Variants in HAO1 observed in about 807,000 individuals in gnomAD.
HAO1 encodes the protein hydroxyacid oxidase 1.
HAO1 carries 34 observed loss-of-function variants against 39.7 expected under a neutral mutation model. That is an observed-to-expected ratio of 0.86 (90% confidence interval 0.65 to 1.14). The LOEUF is 1.14. Ranked by LOEUF, HAO1 falls within the 50% of genes most tolerant of loss-of-function variation. The probability of loss-of-function intolerance (pLI) is 0.00; values close to 1 mark genes in which losing one functional copy is unlikely to be tolerated. For synonymous variants in HAO1, 172 were observed against 173.2 expected, an observed-to-expected ratio of 0.99 and a Z score of 0.05; for missense variants, 479 against 464.5, an observed-to-expected ratio of 1.03 and a Z score of -0.29.
chr20:7,913,829 G>A (rs2050292706), intron 3 of HAO1, among the ~76,000 whole-genome samples: 2 of 152,102 alleles, frequency 1.3e-5, no homozygotes, highest in Non-Finnish European at 2.9e-5. Flanking sequence ...AAAGGTAAAG[G>A]TGGCTCTTTG....
At position 7,906,136 on chromosome 20, in the gene HAO1, G is replaced by C. The variant is rs115375518; in HGVS notation, c.721+18C>G. On this transcript the variant is annotated intron_variant, in intron 4 of 7. Transcript: ENST00000378789. ...GATCACAAAGTCAGTATGAATTCAA[G>C]TAGAGAAATAAACGAACCTCTCAAA... is the stretch of plus-strand genomic sequence containing the variant. 23 of 1,556,192 alleles carry C rather than the reference G, an allele frequency of 1.5e-5. No homozygotes were observed. The South Asian group carries it at 2.0e-4, about 14-fold the overall frequency.
chr20:7,923,533 C>T (rs962115896), intron 2 of HAO1, among the ~76,000 whole-genome samples: 6 of 152,136 alleles, frequency 3.9e-5, no homozygotes, highest in Non-Finnish European at 8.8e-5. Context: ...ACTTCTCACT[C>T]ATTTCAGGCA....
At chr20:7,939,653 T>C (rs972287796) in intron 1 of HAO1, among the ~76,000 whole-genome samples, 6 of 152,206 alleles carry the variant, frequency 3.9e-5, no homozygotes, top group Admixed American at 2.6e-4. Flanking sequence ...TTCTTGTTTT[T>C]ATTACAAACA....
At chr20:7,916,334 C>A (rs2050306883) in intron 2 of HAO1, among the ~76,000 whole-genome samples, 1 of 152,144 alleles carries the variant, frequency 6.6e-6, no homozygotes, top group Non-Finnish European at 1.5e-5. Flanking sequence ...TCCTTCAAGT[C>A]ATTTGACTCA....
At chr20:7,939,460 T>C (rs2050430709) in intron 1 of HAO1, among the ~76,000 whole-genome samples, 1 of 152,206 alleles carries the variant, frequency 6.6e-6, no homozygotes, top group South Asian at 2.1e-4. Flanking sequence ...CCCCTGCATA[T>C]TTTCTGCCTT....
chr20:7,899,778 C>G (rs1256540557), intron 4 of HAO1, among the ~76,000 whole-genome samples: 1 of 151,970 alleles, frequency 6.6e-6, no homozygotes, highest in African/African-American at 2.4e-5. Flanking sequence ...ATGAAAGGGC[C>G]AAAATATTCC....
intron 3 of HAO1, among the ~76,000 whole-genome samples, chr20:7,909,947 G>A (rs1477806451): frequency 6.6e-6 from 1 of 152,084 alleles, no homozygotes; most frequent in African/African-American, 2.4e-5. Context: ...ACACAGCCCT[G>A]GTAATTTCTT....
At chr20:7,883,700 T>G in intron 7 of HAO1, 37 bp from the exon 8 acceptor site, 2 of 1,291,200 alleles carry the variant, frequency 1.5e-6, no homozygotes, top group Non-Finnish European at 2.3e-6. Flanking sequence ...ATGAACTGAA[T>G]GCAATAATAA....
At chr20:7,891,693 G>A (rs1355721254) in intron 5 of HAO1, among the ~76,000 whole-genome samples, 1 of 151,988 alleles carries the variant, frequency 6.6e-6, no homozygotes, top group African/African-American at 2.4e-5. Context: ...TTCGGTTATT[G>A]TTTTTTAAAA....
At chr20:7,921,966 G>A (rs1028427984) in intron 2 of HAO1, among the ~76,000 whole-genome samples, 15 of 152,140 alleles carry the variant, frequency 9.9e-5, no homozygotes, top group Middle Eastern at 3.4e-3. Flanking sequence ...GTGGGGTTGG[G>A]AGGGGGAAAA....
rs1208223975 is a variant in HAO1 at position 7,883,420 on chromosome 20, T to C, written c.*173A>G. The C allele has an allele frequency of 6.7e-6, 4 of 598,944 alleles. No individual in the cohort carries two copies. Among genetic ancestry groups the C allele is most frequent in the Non-Finnish European group, 1.2e-5 (4 of 333,772 alleles). 37.1% of individuals were successfully genotyped at this position (598,944 alleles called of 1,614,324 possible). The stretch of plus-strand genomic sequence containing the variant: ...TTCTAAAAGGTTCCTAGGACACCCA[T>C]TGAAAAGTCAAAAGCAATGAAATAA... On this transcript the variant is annotated 3_prime_UTR_variant, in exon 8 of 8. Transcript: ENST00000378789.
At chr20:7,885,480 T>C in intron 7 of HAO1, 41 bp downstream of exon 7, 2 of 1,298,282 alleles carry the variant, frequency 1.5e-6, no homozygotes, top group Non-Finnish European at 2.2e-6. Flanking sequence ...GACTTAAAGA[T>C]CATAAAAGAA....
At chr20:7,896,803 C>T (rs562418641) in intron 4 of HAO1, among the ~76,000 whole-genome samples, 15 of 152,210 alleles carry the variant, frequency 9.9e-5, no homozygotes, top group South Asian at 8.3e-4. Flanking sequence ...TTGATCTAAC[C>T]TATTAGGTCA....
In HAO1 at chr20:7,914,377, G is replaced by A; in HGVS notation, c.332C>T (p.Ala111Val). The A allele has an allele frequency of 6.2e-7, 1 of 1,613,866 alleles. No homozygotes were observed. Among genetic ancestry groups the A allele is most frequent in the African/African-American group, 1.3e-5 (1 of 75,026 alleles). Residue 111 changes from alanine (A) to valine (V), a missense_variant, in exon 3 of 8, where the codon GCC becomes GTC. Physicochemically the swap from Ala to Val is moderately conservative, Grantham distance 64 (BLOSUM62 0). Transcript: ENST00000378789. ...LGTGMMLSSWATSSIEEVAEA... is the reference protein window; with the variant it reads ...LGTGMMLSSWVTSSIEEVAEA... ...CGCCACTTCTTCAATTGAGGAGGTG[G>A]CCCAGGAACTCAACATCATGCCCGT...
intron 5 of HAO1, among the ~76,000 whole-genome samples, chr20:7,888,907 G>A (rs1485125736): frequency 6.6e-6 from 1 of 152,120 alleles, no homozygotes; most frequent in Non-Finnish European, 1.5e-5. Flanking sequence ...CACTTCATGA[G>A]AATGCTGGAA....
At chr20:7,903,929 G>C (rs1252508702) in intron 4 of HAO1, among the ~76,000 whole-genome samples, 1 of 152,008 alleles carries the variant, frequency 6.6e-6, no homozygotes, top group Non-Finnish European at 1.5e-5. Context: ...AGTGATAACA[G>C]AATGAAGATC....
rs759993279 is a variant in HAO1, at chr20:7,940,449, G to A, written c.-27C>T. ...TTCACAGGTTATTGCTATCCCAGAT[G>A]GAGTTCGTTGTTTTTTTTTTTTTAA... is the stretch of plus-strand genomic sequence containing the variant. On this transcript the variant is annotated 5_prime_UTR_variant, in exon 1 of 8. Transcript: ENST00000378789. 2 of 1,571,596 alleles carry A rather than the reference G, an allele frequency of 1.3e-6. No individual in the cohort carries two copies. Among genetic ancestry groups the A allele is most frequent in the Admixed American group, 2.1e-5 (1 of 47,886 alleles).
chr20:7,891,635 GT>G (rs1366791817), intron 5 of HAO1, among the ~76,000 whole-genome samples: 7 of 152,076 alleles, frequency 4.6e-5, no homozygotes. Flanking sequence ...GTCTAAAAGG[GT>G]TTTTTCAATG....
intron 3 of HAO1, among the ~76,000 whole-genome samples, chr20:7,909,593 T>C (rs549733665): frequency 1.4e-4 from 21 of 151,462 alleles, no homozygotes; most frequent in Admixed American, 4.0e-4. Context: ...TCAAATATAC[T>C]TTTTAATATA....
Sources: allele counts gnomAD v4.1 joint callset (sites outside exome capture counted in the v4.1 genomes callset), GRCh38; gene constraint gnomAD v4.1.1; transcripts MANE v1.5; gene names NCBI Gene and HGNC (gene_info 2026-07-23, HGNC 2026-07-21).